The following PTPRT variants were observed in gnomAD, a reference collection of about 807,000 sequenced individuals.
The protein encoded by PTPRT is receptor-type tyrosine-protein phosphatase T.
Under a neutral mutation model 176.8 loss-of-function variants are expected in PTPRT, and 56 were observed. The observed-to-expected ratio is 0.32, with a 90% CI of 0.26 to 0.40. The LOEUF is 0.40. PTPRT is among the 10% of genes least tolerant of loss of function. The pLI is 1.00. For missense variants in PTPRT, 1,540 were observed against 1,908.2 expected (o/e 0.81, Z 3.60); for synonymous variants, 783 against 739.0 (o/e 1.06, Z -0.96).
intron 11 of PTPRT, among the ~76,000 whole-genome samples, chr20:42,321,090 G>C (rs1311644128): frequency 1.3e-5 from 2 of 152,114 alleles, no homozygotes; most frequent in African/African-American, 4.8e-5. Flanking sequence ...ATTTTATCAA[G>C]GTAATTTTCA....
At chr20:43,115,763 C>A (rs1349445108) in intron 1 of PTPRT, among the ~76,000 whole-genome samples, 2 of 152,122 alleles carry the variant, frequency 1.3e-5, no homozygotes, top group African/African-American at 4.8e-5. Context: ...GGTCCAGACA[C>A]CCCGTCCAGG....
chr20:42,754,454 T>C (rs557978455), intron 6 of PTPRT, among the ~76,000 whole-genome samples: 1 of 152,212 alleles, frequency 6.6e-6, no homozygotes, highest in East Asian at 1.9e-4. Flanking sequence ...ATTTTTTGTA[T>C]TTTTAGTAGA....
At chr20:42,379,161 G>T (rs926099987) in intron 9 of PTPRT, among the ~76,000 whole-genome samples, 1 of 152,160 alleles carries the variant, frequency 6.6e-6, no homozygotes, top group Non-Finnish European at 1.5e-5. Flanking sequence ...CCTCAGTCTT[G>T]CTCCACAAAG....
At chr20:42,703,270 C>T (rs2076001043) in intron 6 of PTPRT, among the ~76,000 whole-genome samples, 1 of 152,030 alleles carries the variant, frequency 6.6e-6, no homozygotes, top group Non-Finnish European at 1.5e-5. Flanking sequence ...TATGGAAGTG[C>T]TGTTTGAACC....
chr20:42,252,661 G>C (rs1384922254), intron 13 of PTPRT, among the ~76,000 whole-genome samples: 1 of 152,168 alleles, frequency 6.6e-6, no homozygotes, highest in Non-Finnish European at 1.5e-5. Flanking sequence ...TCTTGGATGA[G>C]TATTAGAAAA....
chr20:42,902,187 T>A (rs2079414227), intron 1 of PTPRT, among the ~76,000 whole-genome samples: 1 of 152,156 alleles, frequency 6.6e-6, no homozygotes, highest in Non-Finnish European at 1.5e-5. Context: ...CTTCTGAAAG[T>A]GACTTATTTT....
chr20:43,187,373 A>G (rs1158722478), intron 1 of PTPRT, among the ~76,000 whole-genome samples: 1 of 152,208 alleles, frequency 6.6e-6, no homozygotes, highest in Non-Finnish European at 1.5e-5. Context: ...TGAAATACTA[A>G]CAATTTCTGA....
At chr20:42,577,030 A>G (rs1316924206) in intron 7 of PTPRT, among the ~76,000 whole-genome samples, 2 of 152,148 alleles carry the variant, frequency 1.3e-5, no homozygotes, top group African/African-American at 4.8e-5. Flanking sequence ...AAAAATGACA[A>G]TAAAGTACAC....
chr20:43,106,121 A>G (rs6016958), intron 1 of PTPRT, among the ~76,000 whole-genome samples: 20,392 of 152,058 alleles, frequency 0.13, 1,415 homozygotes, highest in South Asian at 0.16. Context: ...AGACTGGTGC[A>G]GTAGGAACAG....
chr20:43,021,979 G>A (rs1985702838), intron 1 of PTPRT, among the ~76,000 whole-genome samples: 1 of 152,136 alleles, frequency 6.6e-6, no homozygotes. Context: ...AAGGACAAAA[G>A]AGGTATGAGC....
intron 18 of PTPRT, 27 bp downstream of exon 18, chr20:42,141,888 C>G (rs1467960435): frequency 1.3e-6 from 2 of 1,586,950 alleles, no homozygotes; most frequent in Non-Finnish European, 1.7e-6. Flanking sequence ...ACACCTGAAG[C>G]TTAGGAGCTC....
intron 23 of PTPRT, among the ~76,000 whole-genome samples, chr20:42,107,142 G>A (rs1986529500): frequency 6.6e-6 from 1 of 152,178 alleles, no homozygotes; most frequent in Non-Finnish European, 1.5e-5. Flanking sequence ...CATCCATATA[G>A]CATAAAACAC....
At chr20:42,998,415 C>T (rs1242160680) in intron 1 of PTPRT, among the ~76,000 whole-genome samples, 14 of 152,134 alleles carry the variant, frequency 9.2e-5, no homozygotes, top group Admixed American at 9.2e-4. Context: ...AACAAAACGA[C>T]ATAATAAATA....
At chr20:42,323,276 T>C (rs6030135) in intron 11 of PTPRT, among the ~76,000 whole-genome samples, 3,557 of 152,158 alleles carry the variant, frequency 0.023, 115 homozygotes, top group African/African-American at 0.08. Flanking sequence ...ACCCAAAGGA[T>C]TATAAATCAT....
At chr20:42,861,285 T>C (rs2078655827) in intron 2 of PTPRT, among the ~76,000 whole-genome samples, 1 of 152,236 alleles carries the variant, frequency 6.6e-6, no homozygotes, top group Non-Finnish European at 1.5e-5. Context: ...ATTCCCTTGA[T>C]TCTGATCCAA....
chr20:42,827,755 T>A (rs2078020363), intron 2 of PTPRT, among the ~76,000 whole-genome samples: 1 of 151,162 alleles, frequency 6.6e-6, no homozygotes, highest in Non-Finnish European at 1.5e-5. Flanking sequence ...AGAGATCTGA[T>A]GGTTTTAAAG....
chr20:43,152,492 C>A (rs982775786), intron 1 of PTPRT, among the ~76,000 whole-genome samples: 1 of 152,162 alleles, frequency 6.6e-6, no homozygotes, highest in Non-Finnish European at 1.5e-5. Context: ...TTCTCTGCCC[C>A]CTGCTAGACT....
chr20:42,154,653 G>T (rs553737279), intron 17 of PTPRT, among the ~76,000 whole-genome samples: 8 of 152,328 alleles, frequency 5.3e-5, no homozygotes, highest in Non-Finnish European at 1.2e-4. Context: ...ATTGAACTGG[G>T]ATGAATGTGC....
chr20:42,568,022 T>C (rs934756597), intron 7 of PTPRT, among the ~76,000 whole-genome samples: 22 of 151,056 alleles, frequency 1.5e-4, no homozygotes, highest in African/African-American at 5.1e-4. Flanking sequence ...CAGGCTGGAG[T>C]GCAGTGACAC....
Sources: allele counts gnomAD v4.1 joint callset (sites outside exome capture counted in the v4.1 genomes callset), GRCh38; gene constraint gnomAD v4.1.1; transcripts MANE v1.5; gene names NCBI Gene and HGNC (gene_info 2026-07-23, HGNC 2026-07-21).